The following KCNT1 variants were observed in gnomAD, a reference collection of about 807,000 sequenced individuals.
The protein encoded by KCNT1 is potassium sodium-activated channel subfamily T member 1.
Under a neutral mutation model 147.8 loss-of-function variants are expected in KCNT1, and 78 were observed. The observed-to-expected ratio is 0.53, with a 90% CI of 0.44 to 0.64. The LOEUF (loss-of-function observed/expected upper bound fraction) is 0.64, where lower values mean the gene tolerates loss of function less well. Ranked by LOEUF, KCNT1 falls within the 30% of genes least tolerant of loss-of-function variation. The pLI, the probability that KCNT1 is intolerant of heterozygous loss-of-function variation, is 0.00. For synonymous variants in KCNT1, 867 were observed against 748.8 expected, an observed-to-expected ratio of 1.16 and a Z score of -2.58; for missense variants, 1,419 against 1,750.3, an observed-to-expected ratio of 0.81 and a Z score of 3.38.
intron 24 of KCNT1, among the ~76,000 whole-genome samples, chr9:135,779,897 G>A (rs1013539795): frequency 1.6e-4 from 24 of 152,364 alleles, no homozygotes; most frequent in East Asian, 9.6e-4. Flanking sequence ...AGACTTCTCC[G>A]CTGCCCTGGC....
chr9:135,731,554 G>T (rs1042856251), intron 2 of KCNT1, among the ~76,000 whole-genome samples: 1 of 152,118 alleles, frequency 6.6e-6, no homozygotes, highest in East Asian at 1.9e-4. Flanking sequence ...GGTGGCTGTG[G>T]TTGTTTTTCT....
chr9:135,728,441 AC>A (rs1304735683), intron 2 of KCNT1, among the ~76,000 whole-genome samples: 1 of 152,034 alleles, frequency 6.6e-6, no homozygotes, highest in Non-Finnish European at 1.5e-5. Context: ...GGGAAGTGAG[AC>A]CCCCACAGCC....
At chr9:135,777,273 G>C in intron 20 of KCNT1, 65 bp from the exon 21 acceptor site, 3 of 1,535,250 alleles carry the variant, frequency 2.0e-6, no homozygotes, top group South Asian at 2.4e-5. Context: ...GGGTCTGGGA[G>C]GGCTCCAGTG....
intron 16 of KCNT1, 107 bp downstream of exon 16, chr9:135,770,162 C>T (rs1832652315): frequency 1.5e-6 from 2 of 1,372,616 alleles, no homozygotes; most frequent in Non-Finnish European, 2.0e-6. Flanking sequence ...AGGAGGGGCA[C>T]ATGGCGGGCA....
At chr9:135,759,612 ATC>A (rs1831769595) in intron 10 of KCNT1, 65 bp from the exon 11 acceptor site, 2 of 1,508,808 alleles carry the variant, frequency 1.3e-6, no homozygotes, top group Non-Finnish European at 1.8e-6. Flanking sequence ...GGCAGGCAGG[ATC>A]TCTGAGGGGC....
At chr9:135,777,292 G>T in intron 20 of KCNT1, 46 bp from the exon 21 acceptor site, 11 of 1,583,168 alleles carry the variant, frequency 6.9e-6, no homozygotes, top group Non-Finnish European at 9.5e-6. Flanking sequence ...TGGCCAGCAG[G>T]AACCACAGCC....
At chr9:135,765,802 C>T in intron 13 of KCNT1, 42 bp downstream of exon 13, 7 of 1,529,608 alleles carry the variant, frequency 4.6e-6, no homozygotes, top group Non-Finnish European at 6.3e-6. Context: ...GGGGCACCTT[C>T]CTGAGTCAGG....
At position 135,758,276 on chromosome 9, in the gene KCNT1, C is replaced by T. The variant is rs11103170; in HGVS notation, c.760-138C>T. On this transcript the variant is annotated intron_variant, in intron 9 of 30. Coordinates refer to ENST00000371757, the MANE Select transcript of KCNT1 (RefSeq NM_020822.3). ...GCCGAGACACAGGTGTGGCCAGGTA[C>T]AGGCTGCCCCGTGGGCCTCAGCCGA... 31,872 of 557,976 alleles carry T rather than the reference C, an allele frequency of 0.057. 1,297 individuals are homozygous for T. Among genetic ancestry groups the T allele is most frequent in the Middle Eastern group, 0.16 (522 of 3,330 alleles). The allele number at this position is 557,976 out of a possible 1,614,324, so 34.6% of individuals were successfully genotyped here.
At chr9:135,758,853 C>T (rs889144032) in intron 10 of KCNT1, among the ~76,000 whole-genome samples, 3 of 152,246 alleles carry the variant, frequency 2.0e-5, no homozygotes, top group African/African-American at 7.2e-5. Context: ...GGTCTGGAGG[C>T]AGCCAGGGTA....
Position 135,784,084 on chromosome 9 carries a change from C to T in KCNT1, c.2902C>T (p.Arg968Cys), listed in dbSNP as rs201987364. 5 of 1,605,834 alleles carry T rather than the reference C, an allele frequency of 3.1e-6. No homozygotes were observed. Among genetic ancestry groups the T allele is most frequent in the East Asian group, 2.2e-5 (1 of 44,858 alleles). Reference protein sequence around the residue: ...FMFRLPFAAGRVFSISMLDTL... With the variant: ...FMFRLPFAAGCVFSISMLDTL... ...GTTCCGCCTGCCGTTCGCCGCCGGC[C>T]GCGTCTTCAGCATCAGCATGTTGGA... Residue 968 changes from arginine (R) to cysteine (C), a missense_variant, in exon 25 of 31, where the codon CGC becomes TGC. Transcript: ENST00000371757.
intron 1 of KCNT1, among the ~76,000 whole-genome samples, chr9:135,704,301 G>T (rs966106087): frequency 6.6e-6 from 1 of 152,182 alleles, no homozygotes. Flanking sequence ...GTTCAGAGGG[G>T]CCAGGAGGTG....
chr9:135,782,039 C>T (rs1233655941), intron 24 of KCNT1, among the ~76,000 whole-genome samples: 2 of 152,112 alleles, frequency 1.3e-5, no homozygotes, highest in South Asian at 2.1e-4. Flanking sequence ...CATGGAGAAA[C>T]CTCTCTACTA....
intron 2 of KCNT1, among the ~76,000 whole-genome samples, chr9:135,748,549 C>T (rs1178020249): frequency 2.0e-5 from 3 of 152,248 alleles, no homozygotes; most frequent in Non-Finnish European, 4.4e-5. Context: ...CTGGGTGTCA[C>T]AGCCTCCTGC....
intron 1 of KCNT1, among the ~76,000 whole-genome samples, chr9:135,705,525 T>C (rs944362135): frequency 1.3e-5 from 2 of 152,180 alleles, no homozygotes; most frequent in Non-Finnish European, 2.9e-5. Context: ...TGTGTGACCT[T>C]GAAGTCACCG....
At chr9:135,774,573 TGTGTTGTGTGTCCATGTGTGGTAC>T (rs928450863) in intron 19 of KCNT1, among the ~76,000 whole-genome samples, 2 of 151,658 alleles carry the variant, frequency 1.3e-5, no homozygotes, top group African/African-American at 2.4e-5. Context: ...GGTGTGTCTG[TGTGTTGTGTGTCCATGTGTGGTAC>T]GTGTTGTGTG....
intron 2 of KCNT1, among the ~76,000 whole-genome samples, chr9:135,732,041 G>GAGAGAGAGAGA (rs59851086): frequency 1.5e-5 from 2 of 133,248 alleles, no homozygotes; most frequent in African/African-American, 2.8e-5. Context: ...GAGAGAGAGA[G>GAGAGAGAGAGA]GGAGTCTCAC....
chr9:135,734,857 G>C (rs1213930988), intron 2 of KCNT1, among the ~76,000 whole-genome samples: 1 of 152,196 alleles, frequency 6.6e-6, no homozygotes, highest in African/African-American at 2.4e-5. Flanking sequence ...CCATGTATGG[G>C]CAGCCCTGAT....
At chr9:135,785,438 T>C (rs1833967210) in intron 28 of KCNT1, 108 bp downstream of exon 28, 6 of 1,195,660 alleles carry the variant, frequency 5.0e-6, no homozygotes, top group Non-Finnish European at 6.6e-6. Flanking sequence ...CACAGGGCCC[T>C]GGGAAAGCCG....
At chr9:135,745,560 G>C (rs554738100) in intron 2 of KCNT1, among the ~76,000 whole-genome samples, 1 of 152,226 alleles carries the variant, frequency 6.6e-6, no homozygotes. Flanking sequence ...GATGAGCACC[G>C]GGGCAGCCTC....
Sources: gnomAD v4.1 joint callset for allele counts (sites outside exome capture counted in the v4.1 genomes callset) on GRCh38, gnomAD v4.1.1 for gene constraint, MANE v1.5 for transcripts, NCBI Gene and HGNC (gene_info 2026-07-23, HGNC 2026-07-21) for gene names.